SCHIP1: variants seen among roughly 807,000 people sequenced by gnomAD.
SCHIP1 encodes the protein schwannomin interacting protein 1.
Under a neutral mutation model 29.7 loss-of-function variants are expected in SCHIP1, and 8 were observed. The observed-to-expected ratio is 0.27, with a 90% confidence interval of 0.16 to 0.49. The LOEUF (loss-of-function observed/expected upper bound fraction) is 0.49, where lower values mean the gene tolerates loss of function less well. Ranked by LOEUF, SCHIP1 falls within the 20% of genes least tolerant of loss-of-function variation. The pLI, the probability that SCHIP1 is intolerant of heterozygous loss-of-function variation, is 0.99. For synonymous variants in SCHIP1, 76 were observed against 94.9 expected, an observed-to-expected ratio of 0.80 and a Z score of 1.16; for missense variants, 193 against 294.6, an observed-to-expected ratio of 0.66 and a Z score of 2.52.
the SCHIP1 span, among the ~76,000 whole-genome samples, chr3:159,831,232 G>A: frequency 6.6e-6 from 1 of 152,186 alleles, no homozygotes; most frequent in East Asian, 1.9e-4. Context: ...TGGCTCAGAT[G>A]ATTTAGTGTG....
At chr3:159,632,962 G>C in the SCHIP1 span, among the ~76,000 whole-genome samples, 1 of 152,160 alleles carries the variant, frequency 6.6e-6, no homozygotes, top group East Asian at 1.9e-4. Flanking sequence ...TGTATCAGAA[G>C]GTTGACTCTA....
chr3:159,415,636 T>G, the SCHIP1 span, among the ~76,000 whole-genome samples: 1 of 152,238 alleles, frequency 6.6e-6, no homozygotes, highest in Non-Finnish European at 1.5e-5. Flanking sequence ...CTTGTTTTTA[T>G]GGCTGTGTAG....
chr3:159,883,613 T>G (rs1001006617), intron 2 of SCHIP1, among the ~76,000 whole-genome samples: 1 of 152,138 alleles, frequency 6.6e-6, no homozygotes, highest in African/African-American at 2.4e-5. Context: ...TCTTGAAACC[T>G]GAGCTCGTTT....
At chr3:159,344,475 T>C in the SCHIP1 span, among the ~76,000 whole-genome samples, 1 of 152,160 alleles carries the variant, frequency 6.6e-6, no homozygotes, top group East Asian at 1.9e-4. Flanking sequence ...ATTGGGGGTA[T>C]TTACTCTTAA....
At chr3:159,724,315 G>A in the SCHIP1 span, among the ~76,000 whole-genome samples, 3 of 152,152 alleles carry the variant, frequency 2.0e-5, no homozygotes, top group Admixed American at 2.0e-4. Flanking sequence ...GCTAATGTGA[G>A]TTAGGAGGAA....
chr3:159,802,390 T>C, the SCHIP1 span, among the ~76,000 whole-genome samples: 1 of 152,248 alleles, frequency 6.6e-6, no homozygotes, highest in Non-Finnish European at 1.5e-5. Flanking sequence ...TTACTTTTAA[T>C]TGATAGCAGA....
the SCHIP1 span, among the ~76,000 whole-genome samples, chr3:159,610,618 T>A: frequency 6.6e-6 from 1 of 152,188 alleles, no homozygotes; most frequent in Non-Finnish European, 1.5e-5. Flanking sequence ...CTTTGGAGTT[T>A]GAAACAAAAT....
At chr3:159,370,280 A>G in the SCHIP1 span, among the ~76,000 whole-genome samples, 5 of 152,150 alleles carry the variant, frequency 3.3e-5, no homozygotes, top group Middle Eastern at 6.8e-3. Context: ...CTGGCCTCCA[A>G]CAGACCATGC....
At chr3:159,411,457 A>G in the SCHIP1 span, among the ~76,000 whole-genome samples, 3 of 152,164 alleles carry the variant, frequency 2.0e-5, no homozygotes, top group Non-Finnish European at 4.4e-5. Flanking sequence ...AAAAAAGTAT[A>G]TGGGTGATTT....
the SCHIP1 span, among the ~76,000 whole-genome samples, chr3:159,620,288 A>G: frequency 1.3e-5 from 2 of 152,218 alleles, no homozygotes; most frequent in Non-Finnish European, 2.9e-5. Flanking sequence ...GATGCCACTG[A>G]GTGTTGCATA....
the SCHIP1 span, among the ~76,000 whole-genome samples, chr3:159,431,377 G>GA: frequency 1.1e-4 from 16 of 150,234 alleles, no homozygotes; most frequent in South Asian, 1.1e-3. Flanking sequence ...AAGGTGAGGG[G>GA]AAAAAAAAAG....
At chr3:159,293,890 A>G in the SCHIP1 span, among the ~76,000 whole-genome samples, 2 of 152,184 alleles carry the variant, frequency 1.3e-5, no homozygotes, top group African/African-American at 4.8e-5. Flanking sequence ...TTAAAGTAAC[A>G]TAGGGGACTT....
the SCHIP1 span, among the ~76,000 whole-genome samples, chr3:159,625,639 G>A: frequency 6.6e-6 from 1 of 151,974 alleles, no homozygotes; most frequent in Admixed American, 6.6e-5. Context: ...TTACACCATG[G>A]AACTGGGCAA....
At chr3:159,329,401 C>A in the SCHIP1 span, among the ~76,000 whole-genome samples, 6 of 152,062 alleles carry the variant, frequency 3.9e-5, no homozygotes, top group African/African-American at 1.4e-4. Flanking sequence ...TGCCACAGGG[C>A]AGGAAAGAAA....
chr3:159,688,512 G>A, the SCHIP1 span, among the ~76,000 whole-genome samples: 3 of 151,940 alleles, frequency 2.0e-5, no homozygotes, highest in Non-Finnish European at 2.9e-5. Flanking sequence ...TTGTCAGATG[G>A]GTAGATTGCA....
At chr3:159,509,282 G>A in the SCHIP1 span, among the ~76,000 whole-genome samples, 25 of 152,126 alleles carry the variant, frequency 1.6e-4, no homozygotes, top group African/African-American at 6.0e-4. Flanking sequence ...CAGAGACTAG[G>A]ATTGCAACCC....
chr3:159,804,867 A>G, the SCHIP1 span, among the ~76,000 whole-genome samples: 11 of 152,162 alleles, frequency 7.2e-5, no homozygotes, highest in Non-Finnish European at 1.5e-5. Context: ...ATTTACAGCT[A>G]TCCTCCCACA....
the SCHIP1 span, among the ~76,000 whole-genome samples, chr3:159,830,267 C>A: frequency 3.9e-5 from 6 of 152,166 alleles, no homozygotes; most frequent in Non-Finnish European, 8.8e-5. Context: ...ATCATGTTCT[C>A]ATTGAGAGAC....
chr3:159,354,615 T>C, the SCHIP1 span, among the ~76,000 whole-genome samples: 1 of 152,152 alleles, frequency 6.6e-6, no homozygotes, highest in African/African-American at 2.4e-5. Context: ...TGGGTGAAAA[T>C]GGCTGGATGG....
Sources: allele counts gnomAD v4.1 joint callset (sites outside exome capture counted in the v4.1 genomes callset), GRCh38; gene constraint gnomAD v4.1.1; transcripts MANE v1.5; gene names NCBI Gene and HGNC (gene_info 2026-07-23, HGNC 2026-07-21).